EVA1A: variants seen among roughly 807,000 people sequenced by gnomAD.
EVA1A encodes the protein eva-1 homolog A, regulator of programmed cell death.
Under a neutral mutation model 9.8 loss-of-function variants are expected in EVA1A, and 7 were observed. The ratio of observed to expected loss-of-function variants is 0.71; its 90% CI spans 0.41 to 1.34. The LOEUF is 1.34. Among genes scored for constraint, EVA1A ranks in the 40% most tolerant of loss-of-function variants. EVA1A has a pLI of 0.01. For synonymous variants in EVA1A, 90 were observed against 85.6 expected (o/e 1.05, Z -0.28); for missense variants, 206 against 205.9 (o/e 1.00, Z 0.00).
At chr2:75,558,031 G>A (rs1429047769) in intron 1 of EVA1A, among the ~76,000 whole-genome samples, 1 of 152,208 alleles carries the variant, frequency 6.6e-6, no homozygotes, top group African/African-American at 2.4e-5. Context: ...CGTGAATCTT[G>A]GCCCTACCGC....
chr2:75,552,187 T>TA (rs56806046), intron 1 of EVA1A, among the ~76,000 whole-genome samples: 117,331 of 148,376 alleles, frequency 0.79, 46,839 homozygotes, highest in Non-Finnish European at 0.86. Flanking sequence ...CTCTGTCTCT[T>TA]AAAAAAAAAA....
At chr2:75,554,742 C>T (rs183231059) in intron 1 of EVA1A, among the ~76,000 whole-genome samples, 12 of 152,158 alleles carry the variant, frequency 7.9e-5, no homozygotes, top group African/African-American at 2.9e-4. Flanking sequence ...CTGGCACCCA[C>T]CCCAGGTTAT....
chr2:75,567,567 T>G (rs2104010766), intron 1 of EVA1A, among the ~76,000 whole-genome samples: 1 of 152,244 alleles, frequency 6.6e-6, no homozygotes. Flanking sequence ...CCCTGAAGAG[T>G]GTACACTAAC....
At chr2:75,508,808 CT>C (rs1338861204) in intron 3 of EVA1A, among the ~76,000 whole-genome samples, 3 of 152,096 alleles carry the variant, frequency 2.0e-5, no homozygotes, top group Admixed American at 1.3e-4. Flanking sequence ...AAATTTCTCT[CT>C]TTTGTACTCT....
chr2:75,506,491 C>T (rs1459879192), intron 3 of EVA1A, among the ~76,000 whole-genome samples: 1 of 152,138 alleles, frequency 6.6e-6, no homozygotes, highest in Non-Finnish European at 1.5e-5. Context: ...GTACTGGAGG[C>T]GTGGGGTCTT....
chr2:75,549,276 T>G (rs574315098), intron 1 of EVA1A, among the ~76,000 whole-genome samples: 77 of 152,196 alleles, frequency 5.1e-4, no homozygotes, highest in African/African-American at 1.8e-3. Flanking sequence ...CCCTGTGGAA[T>G]AGGAATAAAG....
intron 3 of EVA1A, among the ~76,000 whole-genome samples, chr2:75,499,913 A>G (rs913044756): frequency 1.3e-5 from 2 of 152,232 alleles, no homozygotes; most frequent in Non-Finnish European, 1.5e-5. Flanking sequence ...GAACAGGCAT[A>G]GCTGGTTTTA....
At chr2:75,530,676 G>GA (rs1019267385) in intron 1 of EVA1A, among the ~76,000 whole-genome samples, 2 of 151,952 alleles carry the variant, frequency 1.3e-5, no homozygotes, top group African/African-American at 4.8e-5. Flanking sequence ...AATAGATGCA[G>GA]AAAAAAAATT....
intron 3 of EVA1A, among the ~76,000 whole-genome samples, chr2:75,514,598 G>T (rs908287304): frequency 1.3e-5 from 2 of 152,016 alleles, no homozygotes; most frequent in Non-Finnish European, 2.9e-5. Flanking sequence ...CTACAAAAAT[G>T]TGGTTACCTA....
intron 3 of EVA1A, among the ~76,000 whole-genome samples, chr2:75,502,380 A>G (rs1387070575): frequency 2.6e-5 from 4 of 152,202 alleles, no homozygotes; most frequent in African/African-American, 7.2e-5. Context: ...TAAAAGTCAA[A>G]ACCTACAAAT....
intron 3 of EVA1A, among the ~76,000 whole-genome samples, chr2:75,501,128 C>G (rs189897284): frequency 4.2e-4 from 64 of 152,230 alleles, no homozygotes; most frequent in African/African-American, 1.4e-3. Context: ...TTAGTCCAGA[C>G]AAGCCAAAGA....
chr2:75,532,077 A>G (rs1004626078), intron 1 of EVA1A, among the ~76,000 whole-genome samples: 2 of 148,358 alleles, frequency 1.3e-5, no homozygotes, highest in Non-Finnish European at 3.0e-5. Context: ...GGAGAATGGC[A>G]TGAACCCAGG....
chr2:75,522,057 T>G (rs545998563), intron 2 of EVA1A, among the ~76,000 whole-genome samples: 1 of 152,204 alleles, frequency 6.6e-6, no homozygotes, highest in Non-Finnish European at 1.5e-5. Context: ...CATTTATTTT[T>G]AAAAATTGGA....
intron 3 of EVA1A, among the ~76,000 whole-genome samples, chr2:75,502,434 C>T (rs2103791228): frequency 6.6e-6 from 1 of 152,354 alleles, no homozygotes; most frequent in Non-Finnish European, 1.5e-5. Flanking sequence ...CCTTCTACTT[C>T]CCAGGCCCTT....
intron 3 of EVA1A, among the ~76,000 whole-genome samples, chr2:75,501,738 C>G (rs546863375): frequency 6.6e-6 from 1 of 152,286 alleles, no homozygotes; most frequent in African/African-American, 2.4e-5. Context: ...TGGCTCTGCT[C>G]TCATGGATAG....
chr2:75,547,576 C>T (rs576153806), intron 1 of EVA1A, among the ~76,000 whole-genome samples: 2 of 152,050 alleles, frequency 1.3e-5, no homozygotes, highest in South Asian at 4.1e-4. Flanking sequence ...ACTTTTTTTT[C>T]CTTCTCTGGA....
chr2:75,502,575 G>C (rs960856018), intron 3 of EVA1A, among the ~76,000 whole-genome samples: 1 of 152,160 alleles, frequency 6.6e-6, no homozygotes, highest in Non-Finnish European at 1.5e-5. Flanking sequence ...TGCACTCATG[G>C]GGAACAAAGG....
chr2:75,543,729 C>T (rs1676222678), intron 1 of EVA1A, among the ~76,000 whole-genome samples: 1 of 152,068 alleles, frequency 6.6e-6, no homozygotes, highest in Non-Finnish European at 1.5e-5. Context: ...GTCCTACAAC[C>T]ACATAGGACC....
At chr2:75,546,949 A>G in intron 1 of EVA1A, among the ~76,000 whole-genome samples, 1 of 148,934 alleles carries the variant, frequency 6.7e-6, no homozygotes, top group East Asian at 2.0e-4. Context: ...ACCAGAAGCC[A>G]TTGGAGAACC....
Sources: gnomAD v4.1 joint callset for allele counts (sites outside exome capture counted in the v4.1 genomes callset) on GRCh38, gnomAD v4.1.1 for gene constraint, MANE v1.5 for transcripts, NCBI Gene and HGNC (gene_info 2026-07-23, HGNC 2026-07-21) for gene names.